ZNF184: variants seen among roughly 807,000 people sequenced by gnomAD.
ZNF184 encodes zinc finger protein 184, also known as zinc finger protein 184 (Kruppel-like).
In ZNF184, 16 loss-of-function variants were observed where a neutral mutation model predicts 54.4. The observed-to-expected ratio is 0.29, with a 90% CI of 0.20 to 0.45. The LOEUF (loss-of-function observed/expected upper bound fraction) is 0.45, where lower values mean the gene tolerates loss of function less well. ZNF184 is among the 20% of genes least tolerant of loss of function. ZNF184 has a pLI of 1.00. For missense variants in ZNF184, 681 were observed against 888.2 expected (o/e 0.77, Z 2.97); for synonymous variants, 254 against 295.3 (o/e 0.86, Z 1.43).
At chr6:27,436,182 G>GT in the ZNF184 span, among the ~76,000 whole-genome samples, 18 of 151,448 alleles carry the variant, frequency 1.2e-4, no homozygotes, top group Admixed American at 1.2e-3. Flanking sequence ...TTTTGTTGTT[G>GT]TTTTTTTTCT....
chr6:27,424,778 C>T, the ZNF184 span, among the ~76,000 whole-genome samples: 1 of 152,242 alleles, frequency 6.6e-6, no homozygotes, highest in Non-Finnish European at 1.5e-5. Context: ...GTGGACCCCG[C>T]GCTGGGGCTG....
At chr6:27,436,567 G>A in the ZNF184 span, among the ~76,000 whole-genome samples, 1 of 152,098 alleles carries the variant, frequency 6.6e-6, no homozygotes, top group Non-Finnish European at 1.5e-5. Context: ...CTATTAATGT[G>A]GTGTATCGCA....
rs1762766107 is a variant in ZNF184, at chr6:27,452,831, G to A, written c.728C>T (p.Thr243Ile). The A allele has an allele frequency of 1.2e-6, 2 of 1,613,786 alleles. No individual in the cohort carries two copies. Among genetic ancestry groups the A allele is most frequent in the Non-Finnish European group, 1.7e-6 (2 of 1,179,940 alleles). Residue 243 changes from threonine to isoleucine, a missense_variant, in exon 6 of 6, where the codon ACA becomes ATA. Coordinates refer to ENST00000683788, the MANE Select transcript of ZNF184 (RefSeq NM_001318891.2). This position sits in a 1 kb window ranked among gnomAD's most constrained non-coding sequence, Gnocchi z 5.5. ...YCSALIRHQR[T>I]HTGEKPYKCN... Reference sequence around the variant, plus strand: ...TTTGTAGGGTTTTTCTCCAGTATGTGTTCTCTGATGGCGAATAAGAGCTGA... The same window carrying A: ...TTTGTAGGGTTTTTCTCCAGTATGTATTCTCTGATGGCGAATAAGAGCTGA...
intron 2 of ZNF184, among the ~76,000 whole-genome samples, chr6:27,468,164 A>C (rs12199806): frequency 0.049 from 7,426 of 152,266 alleles, 256 homozygotes; most frequent in Non-Finnish European, 0.073. Context: ...TATGTATTAT[A>C]TGACTCAATC....
the ZNF184 span, among the ~76,000 whole-genome samples, chr6:27,433,909 TTTCTTTCTTTC>T: frequency 0.015 from 2,256 of 151,082 alleles, 51 homozygotes; most frequent in South Asian, 0.081. Flanking sequence ...TCTTTCTCTT[TTTCTTTCTTTC>T]TTCTTTCTTT....
chr6:27,427,330 C>T, the ZNF184 span, among the ~76,000 whole-genome samples: 1 of 152,100 alleles, frequency 6.6e-6, no homozygotes, highest in Non-Finnish European at 1.5e-5. Flanking sequence ...AAAAACTTAA[C>T]TTTTCTGAGA....
the ZNF184 span, among the ~76,000 whole-genome samples, chr6:27,421,012 G>C: frequency 6.6e-6 from 1 of 152,188 alleles, no homozygotes; most frequent in Non-Finnish European, 1.5e-5. Context: ...ATACTGTATG[G>C]TTCTAACTAT....
the ZNF184 span, among the ~76,000 whole-genome samples, chr6:27,411,005 T>C: frequency 6.6e-6 from 1 of 152,168 alleles, no homozygotes. Context: ...GAAACTGGTG[T>C]CTTTGTGCTA....
chr6:27,422,160 GAAAGA>G, the ZNF184 span, among the ~76,000 whole-genome samples: 1 of 29,042 alleles, frequency 3.4e-5, no homozygotes, highest in African/African-American at 1.1e-4. Flanking sequence ...AAGAAAGAAA[GAAAGA>G]AAGAAAGAAA....
chr6:27,433,577 G>A, the ZNF184 span, among the ~76,000 whole-genome samples: 1 of 152,096 alleles, frequency 6.6e-6, no homozygotes, highest in Non-Finnish European at 1.5e-5. Flanking sequence ...TCACCTAAGT[G>A]GAATCATACC....
At chr6:27,421,864 A>T in the ZNF184 span, among the ~76,000 whole-genome samples, 3 of 152,014 alleles carry the variant, frequency 2.0e-5, no homozygotes, top group Non-Finnish European at 4.4e-5. Context: ...GAGCCCAGGA[A>T]TTTGAGACCA....
At chr6:27,450,661 C>T (rs1473860934), downstream of ZNF184, 1 of 151,378 alleles carries the variant, frequency 6.6e-6, no homozygotes, top group Non-Finnish European at 1.5e-5. Context: ...CAATATGCAA[C>T]CAGGGTAAAA....
At chr6:27,419,926 A>T in the ZNF184 span, among the ~76,000 whole-genome samples, 1 of 152,116 alleles carries the variant, frequency 6.6e-6, no homozygotes, top group African/African-American at 2.4e-5. The surrounding 1 kb of genome is among the most constrained non-coding windows in gnomAD (Gnocchi z 4.8). Flanking sequence ...TCTTTGTCCC[A>T]AAGCCTGCAC....
the ZNF184 span, among the ~76,000 whole-genome samples, chr6:27,417,391 T>A: frequency 6.6e-6 from 1 of 152,162 alleles, no homozygotes; most frequent in Non-Finnish European, 1.5e-5. Context: ...TCTGGTTTTT[T>A]TTTTTCCTCA....
chr6:27,446,816 G>A (rs574865098), downstream of ZNF184, among the ~76,000 whole-genome samples: 1 of 152,274 alleles, frequency 6.6e-6, no homozygotes, highest in African/African-American at 2.4e-5. Flanking sequence ...CTAGATGTAG[G>A]ACAAAGAGTC....
chr6:27,459,579 A>G (rs1275088544), intron 3 of ZNF184, among the ~76,000 whole-genome samples: 1 of 152,190 alleles, frequency 6.6e-6, no homozygotes, highest in Non-Finnish European at 1.5e-5. Flanking sequence ...AACAGAACCC[A>G]AATGCAATCT....
intron 3 of ZNF184, among the ~76,000 whole-genome samples, chr6:27,463,632 A>G (rs1472149144): frequency 6.6e-6 from 1 of 152,090 alleles, no homozygotes; most frequent in African/African-American, 2.4e-5. Flanking sequence ...ACCAAAATAC[A>G]TCATAATCAA....
chr6:27,463,738 T>A (rs1421354093), intron 3 of ZNF184, among the ~76,000 whole-genome samples: 1 of 151,992 alleles, frequency 6.6e-6, no homozygotes, highest in African/African-American at 2.4e-5. Context: ...CAACAGTAAC[T>A]TTTTTGTTAG....
the ZNF184 span, among the ~76,000 whole-genome samples, chr6:27,422,864 C>A: frequency 6.6e-6 from 1 of 152,318 alleles, no homozygotes; most frequent in East Asian, 1.9e-4. Flanking sequence ...TCGTATACAG[C>A]ACCCGGTTAT....
Sources: allele counts gnomAD v4.1 joint callset (sites outside exome capture counted in the v4.1 genomes callset), GRCh38; gene constraint gnomAD v4.1.1; non-coding constraint Gnocchi (gnomAD v3.1); transcripts MANE v1.5; gene names NCBI Gene and HGNC (gene_info 2026-07-23, HGNC 2026-07-21).